NSD2: variants seen among roughly 807,000 people sequenced by gnomAD.
The protein encoded by NSD2 is nuclear receptor binding SET domain protein 2.
In NSD2, 12 loss-of-function variants were observed where a neutral mutation model predicts 139.0. That is an observed-to-expected ratio of 0.09 (90% CI 0.06 to 0.14). The LOEUF (loss-of-function observed/expected upper bound fraction) is 0.14, where lower values mean the gene tolerates loss of function less well. Ranked by LOEUF, NSD2 falls within the 10% of genes least tolerant of loss-of-function variation. NSD2 has a pLI of 1.00. For synonymous variants in NSD2, 669 were observed against 648.7 expected (o/e 1.03, Z -0.48); for missense variants, 1,155 against 1,745.0 (o/e 0.66, Z 6.02).
chr4:1,893,658 C>G (rs1051025139), intron 1 of NSD2: 2 of 141,368 alleles, frequency 1.4e-5, no homozygotes, highest in African/African-American at 6.2e-5. Flanking sequence ...CTCAACTGAT[C>G]CTCCTGCCAC....
intron 11 of NSD2, chr4:1,952,832 G>C (rs182383701): frequency 8.2e-7 from 1 of 1,219,188 alleles, no homozygotes; most frequent in East Asian, 3.8e-5. Context: ...CCTACTCACC[G>C]GGCCCAAGGA....
intron 1 of NSD2, among the ~76,000 whole-genome samples, chr4:1,891,302 T>C (rs1485663572): frequency 6.6e-6 from 1 of 152,202 alleles, no homozygotes; most frequent in Admixed American, 6.5e-5. Flanking sequence ...AATGAGGGTA[T>C]TTTAGGTATG....
At chr4:1,935,847 C>G (rs1722322915) in intron 7 of NSD2, among the ~76,000 whole-genome samples, 2 of 151,470 alleles carry the variant, frequency 1.3e-5, no homozygotes, top group Non-Finnish European at 2.9e-5. Context: ...GGCGACACAG[C>G]AAGATTCTGT....
chr4:1,881,263 TTGTTTC>T (rs1194751380), intron 1 of NSD2, among the ~76,000 whole-genome samples: 2 of 152,170 alleles, frequency 1.3e-5, no homozygotes, highest in African/African-American at 4.8e-5. Flanking sequence ...TGTTTTGTTT[TTGTTTC>T]TGTTTTTTTG....
intron 9 of NSD2, chr4:1,947,961 C>T (rs942009478): frequency 1.2e-5 from 13 of 1,056,282 alleles, no homozygotes; most frequent in African/African-American, 1.7e-5. Context: ...TGAAGGGCCA[C>T]GTGCTTTTAG....
intron 2 of NSD2, among the ~76,000 whole-genome samples, chr4:1,904,013 C>T (rs1186304680): frequency 1.3e-5 from 2 of 152,176 alleles, no homozygotes; most frequent in Middle Eastern, 3.2e-3. Context: ...GGACTACAGG[C>T]GTGAGCCACC....
rs1727814953 is a variant in NSD2 at position 1,982,013 on chromosome 4, G to T, written c.*3104G>T. ...AGGTCAGATTCCTTTTAGGAATACT[G>T]GGTGCTGTCACCAGGTTTGATAGTT... On this transcript the variant is annotated 3_prime_UTR_variant, in exon 22 of 22. Transcript: ENST00000508803. 3 of 398,284 alleles carry T rather than the reference G, an allele frequency of 7.5e-6. No individual in the cohort carries two copies. Among genetic ancestry groups the T allele is most frequent in the South Asian group, 1.3e-4 (1 of 7,782 alleles). 24.7% of individuals were successfully genotyped at this position (398,284 alleles called of 1,614,324 possible).
At chr4:1,874,438 T>C (rs1396607409) in intron 1 of NSD2, among the ~76,000 whole-genome samples, 4 of 152,216 alleles carry the variant, frequency 2.6e-5, no homozygotes, top group Non-Finnish European at 5.9e-5. Flanking sequence ...CTCTTAGAGG[T>C]AGGACTCTGT....
intron 1 of NSD2, among the ~76,000 whole-genome samples, chr4:1,891,265 C>T (rs937153577): frequency 6.6e-6 from 1 of 152,156 alleles, no homozygotes; most frequent in Non-Finnish European, 1.5e-5. Context: ...AAATATATTT[C>T]AGGCAGACTA....
chr4:1,947,243 T>C (rs1356119324), intron 9 of NSD2: 4 of 1,063,412 alleles, frequency 3.8e-6, no homozygotes, highest in Non-Finnish European at 4.6e-6. Flanking sequence ...ATATTTTAGA[T>C]TCATTTTACC....
At chr4:1,902,676 C>T (rs527420365) in intron 2 of NSD2, among the ~76,000 whole-genome samples, 6 of 152,250 alleles carry the variant, frequency 3.9e-5, no homozygotes, top group South Asian at 2.1e-4. Flanking sequence ...TGACCTCAAA[C>T]GATGTTCCTG....
chr4:1,925,155 T>C lies in NSD2; in HGVS notation c.1411-5471T>C, dbSNP rs1720698282. Reference sequence around the variant, plus strand: ...GAGGAAGCTCCTCCCTGCTTCCATCTGTAACCTAGGTCTTTCTACATTGTT... The same window carrying C: ...GAGGAAGCTCCTCCCTGCTTCCATCCGTAACCTAGGTCTTTCTACATTGTT... On this transcript the variant is annotated intron_variant, in intron 5 of 21. Coordinates refer to ENST00000508803, the MANE Select transcript of NSD2 (RefSeq NM_001042424.3). Among the ~76,000 whole-genome samples the C allele has an allele frequency of 2.6e-5, 4 of 152,226 alleles. No individual in the cohort carries two copies. In the South Asian group the frequency reaches 8.3e-4, roughly 31 times the overall value.
intron 11 of NSD2, among the ~76,000 whole-genome samples, 167 bp downstream of exon 11, chr4:1,952,398 CCT>C (rs1469695018): frequency 6.6e-6 from 1 of 152,192 alleles, no homozygotes; most frequent in African/African-American, 2.4e-5. Flanking sequence ...GGTGTACCCA[CCT>C]CTCAGTAGCT....
intron 6 of NSD2, among the ~76,000 whole-genome samples, chr4:1,932,943 C>T (rs1020007380): frequency 2.6e-5 from 4 of 152,210 alleles, no homozygotes; most frequent in African/African-American, 9.6e-5. Flanking sequence ...GTTCTGAAGG[C>T]AGACCTGCCT....
chr4:1,936,425 C>A (rs1414743883), intron 7 of NSD2, among the ~76,000 whole-genome samples: 2 of 152,070 alleles, frequency 1.3e-5, no homozygotes, highest in East Asian at 3.8e-4. Context: ...AATCCCAGCA[C>A]TTTGGGAGGC....
chr4:1,910,850 A>G (rs1396696863), intron 3 of NSD2, among the ~76,000 whole-genome samples: 1 of 152,170 alleles, frequency 6.6e-6, no homozygotes, highest in Non-Finnish European at 1.5e-5. Context: ...GGTGCCCTCC[A>G]GAGACTGAAC....
chr4:1,885,763 C>T (rs759436893), intron 1 of NSD2, among the ~76,000 whole-genome samples: 8 of 152,062 alleles, frequency 5.3e-5, no homozygotes, highest in Non-Finnish European at 5.9e-5. Flanking sequence ...GATCTCTGCA[C>T]CGGTTCTGCA....
In NSD2 at chr4:1,888,158, A is replaced by G. The variant is rs1715255242; in HGVS notation, c.-29-12468A>G. Among the ~76,000 whole-genome samples, 3 of 152,104 alleles carry G rather than the reference A, an allele frequency of 2.0e-5. 1 individual carries two copies. In the South Asian group the frequency reaches 6.2e-4, roughly 32 times the overall value. On this transcript the variant is annotated intron_variant, in intron 1 of 21. Transcript: ENST00000508803. ...CTGGGTGCGGTGGCTCACGCCTGTA[A>G]TCCCAGCACTTTGGGAGGCTGAGGT...
intron 3 of NSD2, among the ~76,000 whole-genome samples, chr4:1,906,435 T>C (rs1233109498): frequency 6.6e-6 from 1 of 151,878 alleles, no homozygotes; most frequent in Non-Finnish European, 1.5e-5. Flanking sequence ...GAGATGGGGT[T>C]TCACCATGTT....
Sources: gnomAD v4.1 joint callset for allele counts (sites outside exome capture counted in the v4.1 genomes callset) on GRCh38, gnomAD v4.1.1 for gene constraint, MANE v1.5 for transcripts, NCBI Gene and HGNC (gene_info 2026-07-23, HGNC 2026-07-21) for gene names.